Variants in GREB1L observed in about 807,000 individuals in gnomAD.
The protein encoded by GREB1L is GREB1-like protein.
A neutral mutation model predicts 200.8 loss-of-function variants in GREB1L; 17 were observed. The observed-to-expected ratio is 0.08, with a 90% CI of 0.06 to 0.13. The LOEUF is 0.13. GREB1L is among the 10% of genes least tolerant of loss of function. The pLI, the probability that GREB1L is intolerant of heterozygous loss-of-function variation, is 1.00. For synonymous variants in GREB1L, 789 were observed against 893.0 expected, an observed-to-expected ratio of 0.88 and a Z score of 2.08; for missense variants, 1,657 against 2,367.7, an observed-to-expected ratio of 0.70 and a Z score of 6.23.
intron 25 of GREB1L, among the ~76,000 whole-genome samples, chr18:21,507,345 G>C (rs2037056635): frequency 6.6e-6 from 1 of 152,164 alleles, no homozygotes; most frequent in African/African-American, 2.4e-5. Context: ...AGAATTAAGG[G>C]AAGAAGTGTA....
intron 1 of GREB1L, among the ~76,000 whole-genome samples, chr18:21,362,836 AC>A (rs1261050955): frequency 6.6e-6 from 1 of 152,176 alleles, no homozygotes; most frequent in East Asian, 1.9e-4. Flanking sequence ...AAGTCCTAGA[AC>A]CTAGATGGCA....
At chr18:21,298,530 C>A (rs1323096070) in intron 1 of GREB1L, among the ~76,000 whole-genome samples, 3 of 152,126 alleles carry the variant, frequency 2.0e-5, no homozygotes, top group Non-Finnish European at 4.4e-5. Flanking sequence ...TAAGTATGTA[C>A]AAATAATGAT....
intron 1 of GREB1L, among the ~76,000 whole-genome samples, chr18:21,245,836 G>C (rs1183013407): frequency 6.6e-6 from 1 of 152,160 alleles, no homozygotes; most frequent in African/African-American, 2.4e-5. Context: ...TCCTGCCTCA[G>C]CCTCCCTAGC....
intron 4 of GREB1L, among the ~76,000 whole-genome samples, chr18:21,388,533 CTTTTTTTTTTTTTT>C (rs768141691): frequency 1.3e-5 from 1 of 74,650 alleles, no homozygotes; most frequent in Admixed American, 1.8e-4. Context: ...CCTTAGGTTC[CTTTTTTTTTTTTTT>C]TTTTTTTTTT....
chr18:21,484,003 T>C (rs1443766532), intron 17 of GREB1L, among the ~76,000 whole-genome samples: 10 of 151,280 alleles, frequency 6.6e-5, no homozygotes, highest in Admixed American at 2.0e-4. Context: ...AGCTCAGAAT[T>C]TGGGCTACCA....
Position 21,278,385 on chromosome 18 carries a change from A to T in GREB1L, c.-120+35992A>T, listed in dbSNP as rs1044414368. ...ACAAGAGCAAGACTCCATCTCAAAA[A>T]AAAAAAATAAATAAATAAATAAATA... On this transcript the variant is annotated intron_variant, in intron 1 of 32. Transcript: ENST00000424526. Among the ~76,000 whole-genome samples the T allele has an allele frequency of 7.7e-3, 985 of 127,382 alleles. 33 individuals carry two copies. The highest frequency in any genetic ancestry group is 0.035 in the African/African-American group (951 of 27,202). The allele number at this position is 127,382 out of a possible 152,430, so 83.6% of individuals were successfully genotyped here.
In GREB1L at chr18:21,440,364, A is replaced by G; in HGVS notation, c.1045A>G (p.Thr349Ala). The stretch of plus-strand genomic sequence containing the variant: ...ACCTGGCTTAGTTGTACCTGTCCCT[A>G]CAGTTCGCCCTCTTTCAAGAACGGG... The part of the protein sequence containing the change: ...PQPGLVVPVP[T>A]VRPLSRTEPL... Residue 349 changes from threonine to alanine, a missense_variant, in exon 9 of 33, where the codon ACA becomes GCA. Physicochemically the swap from Thr to Ala is moderately conservative, Grantham distance 58. This residue lies in a region of GREB1L where 289 missense variants were observed against 345.1 expected (regional missense o/e 0.84). Transcript: ENST00000424526. 6.4e-7 allele frequency: 1 copy of G among 1,551,846 alleles called. No homozygotes were observed. Among genetic ancestry groups the G allele is most frequent in the Non-Finnish European group, 8.7e-7 (1 of 1,146,860 alleles).
chr18:21,442,920 T>C, intron 10 of GREB1L, among the ~76,000 whole-genome samples: 1 of 152,134 alleles, frequency 6.6e-6, no homozygotes, highest in East Asian at 1.9e-4. Context: ...TTTTTGTCAT[T>C]GTTTTTTGAG....
At chr18:21,462,625 T>C (rs1322459476) in intron 15 of GREB1L, among the ~76,000 whole-genome samples, 1 of 152,146 alleles carries the variant, frequency 6.6e-6, no homozygotes, top group African/African-American at 2.4e-5. Flanking sequence ...AATTTTTGTA[T>C]TTTTGGTAGA....
intron 7 of GREB1L, among the ~76,000 whole-genome samples, chr18:21,416,133 C>T (rs1242222142): frequency 6.6e-6 from 1 of 152,068 alleles, no homozygotes; most frequent in East Asian, 1.9e-4. Flanking sequence ...GAAAAAGACC[C>T]AAATTAAACT....
intron 1 of GREB1L, among the ~76,000 whole-genome samples, chr18:21,260,885 T>A (rs1253916010): frequency 2.0e-5 from 3 of 151,916 alleles, no homozygotes; most frequent in African/African-American, 7.2e-5. Context: ...ATTTGAATAG[T>A]CATTTTCTTT....
chr18:21,517,878 T>A (rs1054267055), intron 30 of GREB1L, among the ~76,000 whole-genome samples, 156 bp from the exon 31 acceptor site: 1 of 152,078 alleles, frequency 6.6e-6, no homozygotes, highest in African/African-American at 2.4e-5. Context: ...GAGAAAAAAA[T>A]TTTCAGGACC....
At chr18:21,318,846 G>C (rs1484881627) in intron 1 of GREB1L, among the ~76,000 whole-genome samples, 1 of 152,128 alleles carries the variant, frequency 6.6e-6, no homozygotes, top group African/African-American at 2.4e-5. Flanking sequence ...TCTGAAAGGA[G>C]GACTCAGAGG....
chr18:21,468,671 C>A (rs1289348822), intron 15 of GREB1L: 2 of 456,004 alleles, frequency 4.4e-6, no homozygotes, highest in East Asian at 1.4e-4. Flanking sequence ...CAGAATGATA[C>A]TGTTAACGAA....
rs146157432 is a variant in GREB1L at position 21,284,313 on chromosome 18, A to G, written c.-120+41920A>G. 2.1e-4 allele frequency among the ~76,000 whole-genome samples: 32 copies of G among 152,248 alleles called. No individual in the cohort carries two copies. The East Asian group carries it at 6.0e-3, about 28-fold the overall frequency. Reference sequence around the variant, plus strand: ...TTATCACCCTCCAAAAGAAACCTGTACTCATTAGCAGTTACCTTCATTACT... The same window carrying G: ...TTATCACCCTCCAAAAGAAACCTGTGCTCATTAGCAGTTACCTTCATTACT... On this transcript the variant is annotated intron_variant, in intron 1 of 32. Coordinates refer to ENST00000424526, the MANE Select transcript of GREB1L (RefSeq NM_001142966.3).
chr18:21,382,350 A>T lies in GREB1L; in HGVS notation c.-9-1160A>T, dbSNP rs963330883. Among the ~76,000 whole-genome samples, 4 of 152,100 alleles carry T rather than the reference A, an allele frequency of 2.6e-5. No individual in the cohort carries two copies. The East Asian group carries it at 7.8e-4, about 29-fold the overall frequency. Reference sequence around the variant, plus strand: ...AGTAAGTGAGACTGTGTCTCAAAAAAATTTTTAAAAAAATAGTTTTGACTT... The same window carrying T: ...AGTAAGTGAGACTGTGTCTCAAAAATATTTTTAAAAAAATAGTTTTGACTT... On this transcript the variant is annotated intron_variant, in intron 2 of 32. Transcript: ENST00000424526.
In GREB1L at chr18:21,513,361, A is replaced by G. The variant is rs377178950; in HGVS notation, c.4736-460A>G. Among the ~76,000 whole-genome samples, 34 of 152,344 alleles carry G rather than the reference A, an allele frequency of 2.2e-4. 3 individuals are homozygous for G. The South Asian group carries it at 7.0e-3, about 32-fold the overall frequency. ...CAGGGGACATATCAGTGGAATTGGCATACCCACTCACTGCAGCCCAGTTAA... is the reference window on the plus strand; with the variant it reads ...CAGGGGACATATCAGTGGAATTGGCGTACCCACTCACTGCAGCCCAGTTAA... On this transcript the variant is annotated intron_variant, in intron 27 of 32. Transcript: ENST00000424526.
At chr18:21,278,389 A>AAAAT (rs67061918) in intron 1 of GREB1L, among the ~76,000 whole-genome samples, 10,786 of 125,286 alleles carry the variant, frequency 0.086, 569 homozygotes, top group Middle Eastern at 0.12. Context: ...TCAAAAAAAA[A>AAAAT]AAATAAATAA....
intron 1 of GREB1L, among the ~76,000 whole-genome samples, chr18:21,332,215 A>G (rs1404637085): frequency 6.6e-6 from 1 of 152,218 alleles, no homozygotes; most frequent in African/African-American, 2.4e-5. Flanking sequence ...ATACATTGTC[A>G]TCCTCAGGGA....
Sources: allele counts gnomAD v4.1 joint callset (sites outside exome capture counted in the v4.1 genomes callset), GRCh38; gene constraint gnomAD v4.1.1; regional missense constraint gnomAD v4.1.1; transcripts MANE v1.5; gene names NCBI Gene and HGNC (gene_info 2026-07-23, HGNC 2026-07-21).